The following TPD52L1 variants were observed in gnomAD, a reference collection of about 807,000 sequenced individuals.
The protein encoded by TPD52L1 is tumor protein D53.
In TPD52L1, 18 loss-of-function variants were observed where a neutral mutation model predicts 28.7. The observed-to-expected ratio is 0.63, with a 90% confidence interval of 0.43 to 0.93. The LOEUF is 0.93. Among genes scored for constraint, TPD52L1 ranks in the 40% least tolerant of loss-of-function variants. The pLI is 0.00. For missense variants in TPD52L1, 203 were observed against 254.8 expected, an observed-to-expected ratio of 0.80 and a Z score of 1.39; for synonymous variants, 75 against 88.8, an observed-to-expected ratio of 0.84 and a Z score of 0.88.
At chr6:125,220,719 G>C (rs1795178798) in intron 2 of TPD52L1, among the ~76,000 whole-genome samples, 1 of 152,154 alleles carries the variant, frequency 6.6e-6, no homozygotes, top group African/African-American at 2.4e-5. Flanking sequence ...CTTCATCGAG[G>C]CCTAATTAGA....
intron 1 of TPD52L1, among the ~76,000 whole-genome samples, chr6:125,158,113 G>T (rs1468242083): frequency 6.6e-6 from 1 of 152,088 alleles, no homozygotes. Context: ...ATTTCATTTA[G>T]CACCTACCTA....
chr6:125,163,032 C>A (rs1412478163), intron 1 of TPD52L1, among the ~76,000 whole-genome samples: 1 of 152,130 alleles, frequency 6.6e-6, no homozygotes, highest in Non-Finnish European at 1.5e-5. Flanking sequence ...TGCACTGTGC[C>A]TTAATGTGTG....
Position 125,264,375 on chromosome 6 carries a change from G to A in TPD52L1, c.*1413G>A, listed in dbSNP as rs1338147069. 5 of 152,148 alleles carry A rather than the reference G, an allele frequency of 3.3e-5. No individual in the cohort carries two copies. Among genetic ancestry groups the A allele is most frequent in the Admixed American group, 3.3e-4 (5 of 15,266 alleles). 9.4% of individuals were successfully genotyped at this position (152,148 alleles called of 1,614,324 possible). A position where few individuals can be genotyped will look rare whatever the true frequency, so the allele number is the denominator to read the frequency against. The stretch of plus-strand genomic sequence containing the variant: ...ATAGAAGTGATATATATGACATTTT[G>A]AAGTAAAGCACATCTGAAAAATTCT... On this transcript the variant is annotated 3_prime_UTR_variant, in exon 7 of 7. Transcript: ENST00000534000.
Position 125,244,937 on chromosome 6 carries a change from C to T in TPD52L1, c.285-3345C>T, listed in dbSNP as rs541355335. ...TGATCCTTTGATGTAGTGCTCGCCC[C>T]CTTCCCTTAGAAATGGGACATCCTG... On this transcript the variant is annotated intron_variant, in intron 3 of 6. Transcript: ENST00000534000. Among the ~76,000 whole-genome samples, 6 of 152,314 alleles carry T rather than the reference C, an allele frequency of 3.9e-5. No individual in the cohort carries two copies. The South Asian group carries it at 1.0e-3, about 26-fold the overall frequency.
intron 1 of TPD52L1, among the ~76,000 whole-genome samples, chr6:125,172,952 T>A (rs1349868135): frequency 6.6e-6 from 1 of 152,184 alleles, no homozygotes; most frequent in South Asian, 2.1e-4. Context: ...GAGAAGGAAA[T>A]AATTTCAACA....
intron 1 of TPD52L1, among the ~76,000 whole-genome samples, chr6:125,163,582 TAA>T (rs749871847): frequency 2.9e-4 from 36 of 123,204 alleles, no homozygotes; most frequent in Admixed American, 3.3e-4. Context: ...ACACCCTGTC[TAA>T]AAAAAAAAAA....
chr6:125,197,548 A>T (rs1381369362), intron 1 of TPD52L1, among the ~76,000 whole-genome samples: 1 of 152,170 alleles, frequency 6.6e-6, no homozygotes, highest in Non-Finnish European at 1.5e-5. Context: ...TGCTAGGCCC[A>T]AAAGAACAGA....
intron 1 of TPD52L1, among the ~76,000 whole-genome samples, chr6:125,170,142 C>T (rs923149433): frequency 7.9e-5 from 12 of 152,068 alleles, no homozygotes; most frequent in African/African-American, 2.9e-4. Flanking sequence ...CTGCACAACA[C>T]GTATTCTGAT....
intron 1 of TPD52L1, among the ~76,000 whole-genome samples, chr6:125,174,480 G>A (rs1022374769): frequency 6.6e-6 from 1 of 152,086 alleles, no homozygotes; most frequent in African/African-American, 2.4e-5. Context: ...TTGGCTATCT[G>A]GCCTGCATGC....
At chr6:125,243,097 C>A (rs1017370897) in intron 3 of TPD52L1, among the ~76,000 whole-genome samples, 1 of 151,896 alleles carries the variant, frequency 6.6e-6, no homozygotes, top group Non-Finnish European at 1.5e-5. Flanking sequence ...TAATTGTCTG[C>A]CAATTATTTT....
chr6:125,210,571 G>A (rs1455828847), intron 1 of TPD52L1, among the ~76,000 whole-genome samples: 1 of 111,794 alleles, frequency 8.9e-6, no homozygotes, highest in African/African-American at 3.6e-5. Flanking sequence ...AGACTGCCAT[G>A]TACTGGTGTA....
intron 1 of TPD52L1, among the ~76,000 whole-genome samples, chr6:125,201,281 C>T (rs1363393319): frequency 6.6e-6 from 1 of 152,162 alleles, no homozygotes; most frequent in African/African-American, 2.4e-5. Context: ...ATATGTGACT[C>T]AGATCACAGT....
chr6:125,214,539 C>T, intron 1 of TPD52L1: 1 of 737,080 alleles, frequency 1.4e-6, no homozygotes, highest in Non-Finnish European at 1.7e-6. Flanking sequence ...TTTTGCTATG[C>T]CAAGAGAGAA....
chr6:125,246,592 A>G (rs1351443130), intron 3 of TPD52L1, among the ~76,000 whole-genome samples: 3 of 152,246 alleles, frequency 2.0e-5, no homozygotes, highest in African/African-American at 7.2e-5. Context: ...TTCCAAAATT[A>G]AAAGCTAAAA....
chr6:125,198,323 G>A lies in TPD52L1; in HGVS notation c.20-21755G>A, dbSNP rs60093301. ...TTGTATAGTGTTGGAAACCTATAGT[G>A]ATAAGTGATTTTCAGCTACTTACTA... On this transcript the variant is annotated intron_variant, in intron 1 of 6. Transcript: ENST00000534000. Among the ~76,000 whole-genome samples the A allele has an allele frequency of 7.1e-3, 1,083 of 152,284 alleles. 15 individuals carry two copies. The highest frequency in any genetic ancestry group is 0.025 in the African/African-American group (1,047 of 41,566).
At chr6:125,204,337 T>C (rs966318389) in intron 1 of TPD52L1, among the ~76,000 whole-genome samples, 2 of 152,188 alleles carry the variant, frequency 1.3e-5, no homozygotes, top group Admixed American at 1.3e-4. Flanking sequence ...AGAGCTGGTA[T>C]ACTGATGCGT....
intron 1 of TPD52L1, among the ~76,000 whole-genome samples, chr6:125,194,710 A>T (rs1286152262): frequency 6.6e-6 from 1 of 152,182 alleles, no homozygotes; most frequent in Non-Finnish European, 1.5e-5. Flanking sequence ...GTAAGACCAA[A>T]CTCAGACAAT....
Position 125,200,871 on chromosome 6 carries a change from G to T in TPD52L1, c.20-19207G>T, listed in dbSNP as rs529830033. Among the ~76,000 whole-genome samples, 6 of 152,280 alleles carry T rather than the reference G, an allele frequency of 3.9e-5. No homozygotes were observed. The East Asian group carries it at 9.6e-4, about 24-fold the overall frequency. On this transcript the variant is annotated intron_variant, in intron 1 of 6. Coordinates refer to ENST00000534000, the MANE Select transcript of TPD52L1 (RefSeq NM_003287.4). ...TATTTAAGTGCATATTGTGAGGGTG[G>T]CCAACTCAAACATGCCAACTCCAAA...
rs1798158082 is a variant in TPD52L1, at chr6:125,263,209, G to C, written c.*247G>C. ...ATTTTAAAATGTTCCCACTTGAGCA[G>C]GTACACAACTGGTCATAATTCCTGT... On this transcript the variant is annotated 3_prime_UTR_variant, in exon 7 of 7. Transcript: ENST00000534000. 1 of 481,642 alleles carries C rather than the reference G, an allele frequency of 2.1e-6. No homozygotes were observed. Among genetic ancestry groups the C allele is most frequent in the Non-Finnish European group, 3.7e-6 (1 of 273,020 alleles). 29.8% of individuals were successfully genotyped at this position (481,642 alleles called of 1,614,324 possible).
Sources: allele counts gnomAD v4.1 joint callset (sites outside exome capture counted in the v4.1 genomes callset), GRCh38; gene constraint gnomAD v4.1.1; transcripts MANE v1.5; gene names NCBI Gene and HGNC (gene_info 2026-07-23, HGNC 2026-07-21).